The following EPHB2 variants were observed in gnomAD, a reference collection of about 807,000 sequenced individuals.
EPHB2 encodes the protein ephrin type-B receptor 2.
Under a neutral mutation model 96.4 loss-of-function variants are expected in EPHB2, and 18 were observed. The observed-to-expected ratio is 0.19, with a 90% CI of 0.13 to 0.28. The LOEUF (loss-of-function observed/expected upper bound fraction) is 0.28, where lower values mean the gene tolerates loss of function less well. EPHB2 is among the 10% of genes least tolerant of loss of function. EPHB2 has a pLI of 1.00. For synonymous variants in EPHB2, 506 were observed against 534.1 expected (o/e 0.95, Z 0.72); for missense variants, 989 against 1,355.4 (o/e 0.73, Z 4.25).
At chr1:22,865,350 C>T (rs1389142000) in intron 5 of EPHB2, 138 bp downstream of exon 5, 2 of 1,005,828 alleles carry the variant, frequency 2.0e-6, no homozygotes, top group African/African-American at 1.6e-5. Context: ...ATCGGTCCAC[C>T]TGGGAGAGTA....
intron 7 of EPHB2, among the ~76,000 whole-genome samples, chr1:22,895,162 C>T (rs309467): frequency 0.42 from 63,525 of 151,962 alleles, 14,314 homozygotes; most frequent in Non-Finnish European, 0.51. Flanking sequence ...CCAGAGTCTG[C>T]GCTTTTAACT....
At chr1:22,799,350 A>G (rs1406257521) in intron 3 of EPHB2, among the ~76,000 whole-genome samples, 1 of 152,136 alleles carries the variant, frequency 6.6e-6, no homozygotes, top group African/African-American at 2.4e-5. Context: ...TTAGCAAAAT[A>G]GGTAAGAGCC....
intron 5 of EPHB2, among the ~76,000 whole-genome samples, chr1:22,871,070 C>G (rs1233202134): frequency 6.6e-6 from 1 of 152,238 alleles, no homozygotes; most frequent in Non-Finnish European, 1.5e-5. Flanking sequence ...AGGCACCGTG[C>G]TAAGCCCTTA....
At chr1:22,895,856 G>C (rs951149381) in intron 8 of EPHB2, among the ~76,000 whole-genome samples, 15 of 152,244 alleles carry the variant, frequency 9.9e-5, no homozygotes, top group African/African-American at 3.1e-4. Flanking sequence ...AAGAAAGATT[G>C]CAGGATGCTA....
intron 1 of EPHB2, among the ~76,000 whole-genome samples, chr1:22,762,191 C>T (rs1462628402): frequency 1.3e-5 from 2 of 152,178 alleles, no homozygotes; most frequent in Non-Finnish European, 2.9e-5. Flanking sequence ...AGGCAGTGTC[C>T]CTGATGGCAC....
chr1:22,908,257 G>A lies in EPHB2; in HGVS notation c.2352+89G>A, dbSNP rs914115264. On this transcript the variant is annotated intron_variant, in intron 12 of 15. Coordinates refer to ENST00000374630, the MANE Select transcript of EPHB2 (RefSeq NM_017449.5). ...CTCCCTGCAAGACACTTTCACTAACGCCCAATTGGGCCAAGCACTGTCCTG... is the reference window on the plus strand; with the variant it reads ...CTCCCTGCAAGACACTTTCACTAACACCCAATTGGGCCAAGCACTGTCCTG... 3.9e-5 allele frequency: 58 copies of A among 1,481,992 alleles called. No homozygotes were observed. The African/African-American group carries it at 4.2e-4, about 11-fold the overall frequency. The allele number at this position is 1,481,992 out of a possible 1,614,324, so 91.8% of individuals were successfully genotyped here.
intron 3 of EPHB2, among the ~76,000 whole-genome samples, chr1:22,810,909 C>T (rs563563313): frequency 1.3e-5 from 2 of 152,296 alleles, no homozygotes; most frequent in African/African-American, 4.8e-5. Flanking sequence ...AAGTCCCCCT[C>T]CTCAGTGCCA....
At chr1:22,899,328 C>T (rs1006068762) in intron 9 of EPHB2, among the ~76,000 whole-genome samples, 44 of 151,550 alleles carry the variant, frequency 2.9e-4, no homozygotes, top group African/African-American at 9.7e-4. Flanking sequence ...ATGGTGAAAC[C>T]CCATCTCTAC....
chr1:22,860,042 T>C lies in EPHB2; in HGVS notation c.812-2995T>C, dbSNP rs1205916482. Among the ~76,000 whole-genome samples, 2 of 152,228 alleles carry C rather than the reference T, an allele frequency of 1.3e-5. No individual in the cohort carries two copies. The highest frequency in any genetic ancestry group is 2.9e-5 in the Non-Finnish European group (2 of 68,032). On this transcript the variant is annotated intron_variant, in intron 3 of 15. Coordinates refer to ENST00000374630, the MANE Select transcript of EPHB2 (RefSeq NM_017449.5). This position sits in a 1 kb window ranked among gnomAD's most constrained non-coding sequence, Gnocchi z 4.6. ...GAATCCTGCTTTCATGGCTGGCTTC[T>C]TTCACTGAGCACGATGTGTCCAGGG...
At chr1:22,829,105 G>A (rs888901681) in intron 3 of EPHB2, among the ~76,000 whole-genome samples, 2 of 152,120 alleles carry the variant, frequency 1.3e-5, no homozygotes, top group Non-Finnish European at 2.9e-5. Flanking sequence ...AACATTTTAC[G>A]TGTCTTGTGC....
chr1:22,801,935 G>A (rs1353948749), intron 3 of EPHB2, among the ~76,000 whole-genome samples: 4 of 152,218 alleles, frequency 2.6e-5, no homozygotes, highest in South Asian at 4.1e-4. Context: ...AGTGACAGCC[G>A]CGCCGAATCC....
At chr1:22,751,911 G>A (rs1644069196) in intron 1 of EPHB2, among the ~76,000 whole-genome samples, 1 of 152,214 alleles carries the variant, frequency 6.6e-6, no homozygotes. Flanking sequence ...ATAGAGATGA[G>A]AATACCCCAA....
At position 22,754,172 on chromosome 1, in the gene EPHB2, C is replaced by T. The variant is rs745883540; in HGVS notation, c.62-27249C>T. 1.9e-4 allele frequency among the ~76,000 whole-genome samples: 27 copies of T among 145,014 alleles called. No homozygotes were observed. The South Asian group carries it at 2.8e-3, about 15-fold the overall frequency. On this transcript the variant is annotated intron_variant, in intron 1 of 15. Coordinates refer to ENST00000374630, the MANE Select transcript of EPHB2 (RefSeq NM_017449.5). The stretch of plus-strand genomic sequence containing the variant: ...ACAGGCAGCCAGGAAGCTTTCAGCC[C>T]ATGGAGATAGCAGAAATGTCCCCAA...
At position 22,912,545 on chromosome 1, in the gene EPHB2, G is replaced by A; in HGVS notation, c.2798G>A (p.Ser933Asn). ...EAIKMGQYKE[S>N]FANAGFTSFD... ...ATCAAGATGGGGCAGTACAAGGAGAGCTTCGCCAATGCCGGCTTCACCTCC... is the reference window on the plus strand; with the variant it reads ...ATCAAGATGGGGCAGTACAAGGAGAACTTCGCCAATGCCGGCTTCACCTCC... Residue 933 changes from serine (S) to asparagine (N), a missense_variant, in exon 15 of 16, where the codon AGC (serine) becomes AAC (asparagine). Physicochemically the swap from Ser to Asn is conservative, Grantham distance 46. Coordinates refer to ENST00000374630, the MANE Select transcript of EPHB2 (RefSeq NM_017449.5). The A allele has an allele frequency of 6.2e-7, 1 of 1,614,132 alleles. No individual in the cohort carries two copies. Among genetic ancestry groups the A allele is most frequent in the Admixed American group, 1.7e-5 (1 of 60,018 alleles).
intron 9 of EPHB2, among the ~76,000 whole-genome samples, chr1:22,898,668 C>T (rs1306651301): frequency 6.6e-6 from 1 of 152,030 alleles, no homozygotes; most frequent in Admixed American, 6.6e-5. Flanking sequence ...AATGGACCAA[C>T]GGGGCTGATG....
intron 1 of EPHB2, among the ~76,000 whole-genome samples, chr1:22,743,941 C>G (rs138655021): frequency 3.9e-5 from 6 of 152,128 alleles, no homozygotes; most frequent in East Asian, 1.9e-4. Context: ...CAGGTAATGA[C>G]GCTGTTCTTA....
chr1:22,901,973 G>T (rs980546035), intron 9 of EPHB2, among the ~76,000 whole-genome samples: 1 of 152,112 alleles, frequency 6.6e-6, no homozygotes, highest in African/African-American at 2.4e-5. Flanking sequence ...TCACAAGCCT[G>T]CACTGCCATG....
intron 14 of EPHB2, 57 bp downstream of exon 14, chr1:22,910,632 A>G: frequency 6.4e-7 from 1 of 1,553,486 alleles, no homozygotes. Flanking sequence ...CCCGTCTCCC[A>G]TCCCTTCTGC....
chr1:22,765,352 G>A (rs192782431), intron 1 of EPHB2, among the ~76,000 whole-genome samples: 144 of 152,142 alleles, frequency 9.5e-4, no homozygotes, highest in Non-Finnish European at 1.3e-3. Context: ...TTCGAGACCA[G>A]CCTGGCCAAC....
Sources: gnomAD v4.1 joint callset for allele counts (sites outside exome capture counted in the v4.1 genomes callset) on GRCh38, gnomAD v4.1.1 for gene constraint, Gnocchi (gnomAD v3.1) non-coding constraint, MANE v1.5 for transcripts, NCBI Gene and HGNC (gene_info 2026-07-23, HGNC 2026-07-21) for gene names.